The following TMEFF2 variants were observed in gnomAD, a reference collection of about 807,000 sequenced individuals.
TMEFF2 encodes tomoregulin-2.
Under a neutral mutation model 53.8 loss-of-function variants are expected in TMEFF2, and 28 were observed. The observed-to-expected ratio is 0.52, with a 90% CI of 0.39 to 0.71. The LOEUF is 0.71. Ranked by LOEUF, TMEFF2 falls within the 30% of genes least tolerant of loss-of-function variation. The pLI is 0.00. For synonymous variants in TMEFF2, 162 were observed against 166.3 expected, an observed-to-expected ratio of 0.97 and a Z score of 0.20; for missense variants, 353 against 455.2, an observed-to-expected ratio of 0.78 and a Z score of 2.04.
chr2:192,091,297 A>G (rs192218839), intron 4 of TMEFF2, among the ~76,000 whole-genome samples: 229 of 152,302 alleles, frequency 1.5e-3, no homozygotes, highest in Non-Finnish European at 2.7e-3. Flanking sequence ...AAAGTCACAC[A>G]GTAGCAGAAA....
intron 7 of TMEFF2, among the ~76,000 whole-genome samples, chr2:191,957,377 C>G (rs939114531): frequency 1.3e-5 from 2 of 148,586 alleles, no homozygotes; most frequent in Non-Finnish European, 2.9e-5. Flanking sequence ...ACTCTTCAAT[C>G]TGAAGGTACT....
chr2:191,968,885 C>A (rs924487970), intron 7 of TMEFF2, among the ~76,000 whole-genome samples: 6 of 152,074 alleles, frequency 3.9e-5, no homozygotes, highest in African/African-American at 1.4e-4. Flanking sequence ...ACCATACATA[C>A]AGAAAAAAAT....
At chr2:192,136,942 T>C (rs1418783426) in intron 4 of TMEFF2, among the ~76,000 whole-genome samples, 7 of 152,290 alleles carry the variant, frequency 4.6e-5, no homozygotes, top group Middle Eastern at 6.8e-3. Context: ...CTTAGGCACT[T>C]TGAAATTAAC....
chr2:191,967,631 C>T (rs1046457764), intron 7 of TMEFF2, among the ~76,000 whole-genome samples: 14 of 152,238 alleles, frequency 9.2e-5, no homozygotes, highest in South Asian at 4.2e-4. Flanking sequence ...CCTGACCTCA[C>T]GTCACCATTT....
At chr2:192,112,890 G>A (rs1689317485) in intron 4 of TMEFF2, among the ~76,000 whole-genome samples, 1 of 152,094 alleles carries the variant, frequency 6.6e-6, no homozygotes. Context: ...CCTGTCTGCT[G>A]CCAAGTAAGA....
chr2:192,029,692 C>A (rs1021666109), intron 5 of TMEFF2, among the ~76,000 whole-genome samples: 1 of 152,102 alleles, frequency 6.6e-6, no homozygotes, highest in Non-Finnish European at 1.5e-5. Context: ...TTTATGCATT[C>A]TATACATATT....
intron 4 of TMEFF2, among the ~76,000 whole-genome samples, chr2:192,103,415 ACCTTAAGACATCTG>A (rs1224946001): frequency 1.3e-5 from 2 of 151,924 alleles, no homozygotes; most frequent in African/African-American, 4.8e-5. Context: ...TTTTGGATTC[ACCTTAAGACATCTG>A]CCCTCTTTTG....
chr2:192,151,130 T>C (rs1690377556), intron 4 of TMEFF2, among the ~76,000 whole-genome samples: 1 of 151,868 alleles, frequency 6.6e-6, no homozygotes, highest in South Asian at 2.1e-4. Flanking sequence ...CTCTCTCATC[T>C]GCTACCATGT....
At chr2:192,026,742 T>C (rs1574300800) in intron 5 of TMEFF2, among the ~76,000 whole-genome samples, 1 of 152,202 alleles carries the variant, frequency 6.6e-6, no homozygotes, top group Non-Finnish European at 1.5e-5. Context: ...TAAAAGACCC[T>C]TGAAACAGAT....
At chr2:192,001,189 A>G (rs1686349139) in intron 5 of TMEFF2, among the ~76,000 whole-genome samples, 1 of 152,164 alleles carries the variant, frequency 6.6e-6, no homozygotes, top group South Asian at 2.1e-4. Flanking sequence ...TCTAGGAATT[A>G]TCTCCTTCAA....
chr2:191,984,736 GA>G (rs1211543887), intron 7 of TMEFF2, among the ~76,000 whole-genome samples: 3 of 152,044 alleles, frequency 2.0e-5, no homozygotes, highest in East Asian at 1.9e-4. Context: ...TAGGGGAGGG[GA>G]AAAAAACTCA....
At chr2:192,015,253 A>G (rs1386789871) in intron 5 of TMEFF2, among the ~76,000 whole-genome samples, 2 of 141,244 alleles carry the variant, frequency 1.4e-5, no homozygotes, top group Non-Finnish European at 3.1e-5. Flanking sequence ...GAATATTTTT[A>G]TTGACAGAGG....
intron 7 of TMEFF2, among the ~76,000 whole-genome samples, chr2:191,979,286 A>G (rs1474470201): frequency 2.0e-5 from 3 of 152,226 alleles, no homozygotes; most frequent in African/African-American, 4.8e-5. Flanking sequence ...CTGTTTAGAA[A>G]GGAAGCAAAT....
At chr2:192,016,671 T>C (rs1317947891) in intron 5 of TMEFF2, among the ~76,000 whole-genome samples, 2 of 152,034 alleles carry the variant, frequency 1.3e-5, no homozygotes, top group Admixed American at 6.6e-5. Flanking sequence ...AAAATCAGAG[T>C]CCAAAAGGTG....
intron 4 of TMEFF2, among the ~76,000 whole-genome samples, chr2:192,172,103 G>A (rs1690930584): frequency 6.6e-6 from 1 of 151,828 alleles, no homozygotes; most frequent in African/African-American, 2.4e-5. Context: ...CACATCTATG[G>A]TGATTAATGG....
chr2:192,002,182 A>G (rs1686381451), intron 5 of TMEFF2, among the ~76,000 whole-genome samples: 1 of 152,140 alleles, frequency 6.6e-6, no homozygotes, highest in South Asian at 2.1e-4. Flanking sequence ...GTTGCCTCAA[A>G]TAAAGCCTTT....
intron 4 of TMEFF2, among the ~76,000 whole-genome samples, chr2:192,119,464 G>C (rs978015633): frequency 6.6e-6 from 1 of 152,118 alleles, no homozygotes; most frequent in South Asian, 2.1e-4. Context: ...GAGTATATTT[G>C]TCACTTGGAA....
chr2:192,025,295 C>T (rs1686946140), intron 5 of TMEFF2, among the ~76,000 whole-genome samples: 1 of 151,832 alleles, frequency 6.6e-6, no homozygotes, highest in South Asian at 2.1e-4. Flanking sequence ...GAAGGATGAG[C>T]CTACAACCAA....
In TMEFF2 at chr2:191,962,970, C is replaced by T. The variant is rs141463884; in HGVS notation, c.746-6592G>A. ...CAAGTGGGTAACTCCTATCAGTTTA[C>T]AGGTCTTGGTTTGAAGACCTTTTAA... On this transcript the variant is annotated intron_variant, in intron 7 of 9. Transcript: ENST00000272771. Among the ~76,000 whole-genome samples the T allele has an allele frequency of 4.6e-3, 700 of 152,314 alleles. 6 individuals are homozygous for T. The highest frequency in any genetic ancestry group is 0.016 in the African/African-American group (670 of 41,574).
Sources: gnomAD v4.1 joint callset for allele counts (sites outside exome capture counted in the v4.1 genomes callset) on GRCh38, gnomAD v4.1.1 for gene constraint, MANE v1.5 for transcripts, NCBI Gene and HGNC (gene_info 2026-07-23, HGNC 2026-07-21) for gene names.